The following ITSN1 variants were observed in gnomAD, a reference collection of about 807,000 sequenced individuals.
The protein encoded by ITSN1 is intersectin-1.
Under a neutral mutation model 239.8 loss-of-function variants are expected in ITSN1, and 58 were observed. The ratio of observed to expected loss-of-function variants is 0.24; its 90% confidence interval spans 0.20 to 0.30. The LOEUF (loss-of-function observed/expected upper bound fraction) is 0.30, where lower values mean the gene tolerates loss of function less well. ITSN1 is among the 10% of genes least tolerant of loss of function. The pLI is 1.00. For synonymous variants in ITSN1, 780 were observed against 770.8 expected (o/e 1.01, Z -0.20); for missense variants, 1,558 against 2,103.3 (o/e 0.74, Z 5.07).
At chr21:33,830,123 C>T (rs546152855) in intron 27 of ITSN1, among the ~76,000 whole-genome samples, 1 of 152,294 alleles carries the variant, frequency 6.6e-6, no homozygotes, top group South Asian at 2.1e-4. Context: ...GCATTCAAAG[C>T]CACATCCATA....
intron 1 of ITSN1, among the ~76,000 whole-genome samples, chr21:33,696,312 C>G (rs1456431169): frequency 6.6e-6 from 1 of 152,132 alleles, no homozygotes; most frequent in Non-Finnish European, 1.5e-5. Flanking sequence ...GCCTTTATCT[C>G]CTGATTGGGC....
At chr21:33,877,608 G>A (rs2148541373) in intron 34 of ITSN1, among the ~76,000 whole-genome samples, 1 of 152,114 alleles carries the variant, frequency 6.6e-6, no homozygotes, top group East Asian at 1.9e-4. Flanking sequence ...TCCTCCTCTG[G>A]GTTCATCTTT....
intron 29 of ITSN1, among the ~76,000 whole-genome samples, chr21:33,839,828 T>C (rs1008527222): frequency 5.9e-5 from 9 of 152,208 alleles, no homozygotes; most frequent in Non-Finnish European, 1.3e-4. Flanking sequence ...TTGTATCCAT[T>C]GGACCCCATG....
intron 15 of ITSN1, among the ~76,000 whole-genome samples, 169 bp downstream of exon 15, chr21:33,781,717 T>G (rs934882867): frequency 2.6e-5 from 4 of 152,158 alleles, no homozygotes; most frequent in Non-Finnish European, 5.9e-5. Flanking sequence ...TAGCTGGGAC[T>G]ACAGGTGCAT....
rs1986266863 is a variant in ITSN1, at chr21:33,890,235, A to G, written c.*1935A>G. 1 of 152,252 alleles carries G rather than the reference A, an allele frequency of 6.6e-6. No individual in the cohort carries two copies. Among genetic ancestry groups the G allele is most frequent in the Admixed American group, 6.5e-5 (1 of 15,278 alleles). 9.4% of individuals were successfully genotyped at this position (152,252 alleles called of 1,614,324 possible). A position where few individuals can be genotyped will look rare whatever the true frequency, so the allele number is the denominator to read the frequency against. On this transcript the variant is annotated 3_prime_UTR_variant, in exon 40 of 40. Coordinates refer to ENST00000381318, the MANE Select transcript of ITSN1 (RefSeq NM_003024.3). ...TTTGTTTAGTGTATTTATGAAAGAT[A>G]TGCTACCATGGTAGAAAGAAAAGTA...
chr21:33,720,535 T>C (rs1290633581), intron 2 of ITSN1, among the ~76,000 whole-genome samples: 2 of 152,190 alleles, frequency 1.3e-5, no homozygotes, highest in African/African-American at 2.4e-5. Flanking sequence ...TCTTTGGCTA[T>C]TATTTCATAT....
chr21:33,659,606 C>A (rs931138688), intron 1 of ITSN1, among the ~76,000 whole-genome samples: 1 of 150,976 alleles, frequency 6.6e-6, no homozygotes, highest in African/African-American at 2.4e-5. Context: ...TGTGTCTATA[C>A]ACAGTATAGA....
chr21:33,866,782 C>T (rs914833358), intron 32 of ITSN1, among the ~76,000 whole-genome samples: 1 of 152,192 alleles, frequency 6.6e-6, no homozygotes, highest in Non-Finnish European at 1.5e-5. Flanking sequence ...GAGGCACGTG[C>T]AGGCTCCACT....
chr21:33,698,160 A>G (rs576436855), intron 1 of ITSN1, among the ~76,000 whole-genome samples: 7 of 152,330 alleles, frequency 4.6e-5, no homozygotes, highest in South Asian at 2.1e-4. Context: ...AAATCTGCCT[A>G]TTGAAGCTCT....
At chr21:33,841,347 A>G (rs1266191198) in intron 29 of ITSN1, among the ~76,000 whole-genome samples, 1 of 152,180 alleles carries the variant, frequency 6.6e-6, no homozygotes, top group East Asian at 1.9e-4. Flanking sequence ...CTATAATTCA[A>G]CCTAGTACAA....
intron 1 of ITSN1, chr21:33,644,022 A>G (rs763002023): frequency 1.3e-5 from 2 of 152,308 alleles, no homozygotes; most frequent in African/African-American, 4.8e-5. Flanking sequence ...GCTGGTTTGC[A>G]TGGTGCCACT....
In ITSN1 at chr21:33,863,520, G is replaced by A. The variant is rs192726627; in HGVS notation, c.3891-1631G>A. Among the ~76,000 whole-genome samples the A allele has an allele frequency of 1.1e-3, 170 of 152,320 alleles. 3 individuals are homozygous for A. The highest frequency in any genetic ancestry group is 8.2e-3 in the Admixed American group (125 of 15,304). On this transcript the variant is annotated intron_variant, in intron 31 of 39. Coordinates refer to ENST00000381318, the MANE Select transcript of ITSN1 (RefSeq NM_003024.3). ...AAAAAATAAAAATTAGCTGGGCATGGTGGCGGGTGCCTGTAGTCCCAGCCA... is the reference window on the plus strand; with the variant it reads ...AAAAAATAAAAATTAGCTGGGCATGATGGCGGGTGCCTGTAGTCCCAGCCA...
rs202168344 is a variant in ITSN1 at position 33,802,380 on chromosome 21, A to G, written c.2305-50A>G. The G allele has an allele frequency of 1.8e-5, 28 of 1,588,050 alleles. No homozygotes were observed. The Admixed American group carries it at 4.3e-4, about 25-fold the overall frequency. ...ATATGCTGTAAGAATAAAGCATGTC[A>G]TTAAACATATATTTTGCCTTGCTTT... On this transcript the variant is annotated intron_variant, in intron 19 of 39. Coordinates refer to ENST00000381318, the MANE Select transcript of ITSN1 (RefSeq NM_003024.3).
intron 1 of ITSN1, among the ~76,000 whole-genome samples, chr21:33,678,473 C>G (rs1038069995): frequency 6.6e-6 from 1 of 152,196 alleles, no homozygotes; most frequent in Non-Finnish European, 1.5e-5. Context: ...CACTTAGCCC[C>G]GTGCTTGGCC....
intron 34 of ITSN1, among the ~76,000 whole-genome samples, chr21:33,879,559 C>T (rs540351478): frequency 8.5e-5 from 13 of 152,344 alleles, no homozygotes; most frequent in East Asian, 7.7e-4. Flanking sequence ...TGCACTGCCA[C>T]GCAGAAATGC....
chr21:33,836,870 C>CTTT, intron 29 of ITSN1: 1 of 676,122 alleles, frequency 1.5e-6, no homozygotes, highest in Non-Finnish European at 2.4e-6. Flanking sequence ...CTCCTTTTTC[C>CTTT]TTTTTTTTTT....
Position 33,661,947 on chromosome 21 carries a change from A to G in ITSN1, c.-33+19234A>G, listed in dbSNP as rs201502901. Reference sequence around the variant, plus strand: ...TCGGTGAAAATGAACTAATACACGTAAGAATTTTGACCATCTGAACCCCCA... The same window carrying G: ...TCGGTGAAAATGAACTAATACACGTGAGAATTTTGACCATCTGAACCCCCA... On this transcript the variant is annotated intron_variant, in intron 1 of 39. Coordinates refer to ENST00000381318, the MANE Select transcript of ITSN1 (RefSeq NM_003024.3). Among the ~76,000 whole-genome samples the G allele has an allele frequency of 9.2e-5, 14 of 152,164 alleles. No individual in the cohort carries two copies. In the East Asian group the frequency reaches 2.5e-3, roughly 27 times the overall value.
At chr21:33,687,398 TAAAAAAAAA>T (rs58230508) in intron 1 of ITSN1, among the ~76,000 whole-genome samples, 45,130 of 82,708 alleles carry the variant, frequency 0.55, 10,714 homozygotes, top group Middle Eastern at 0.67. Flanking sequence ...AACTCCATCT[TAAAAAAAAA>T]AAAAAAAAAA....
intron 1 of ITSN1, among the ~76,000 whole-genome samples, chr21:33,659,261 T>C (rs1316226820): frequency 6.6e-6 from 1 of 152,186 alleles, no homozygotes; most frequent in African/African-American, 2.4e-5. Context: ...GCATGGAAGC[T>C]CTGTACTTCC....
Sources: gnomAD v4.1 joint callset for allele counts (sites outside exome capture counted in the v4.1 genomes callset) on GRCh38, gnomAD v4.1.1 for gene constraint, MANE v1.5 for transcripts, NCBI Gene and HGNC (gene_info 2026-07-23, HGNC 2026-07-21) for gene names.